The following NPL variants were observed in gnomAD, a reference collection of about 807,000 sequenced individuals.
The protein encoded by NPL is N-acetylneuraminate pyruvate lyase.
NPL carries 32 observed loss-of-function variants against 41.1 expected under a neutral mutation model. That is an observed-to-expected ratio of 0.78 (90% CI 0.59 to 1.05). The LOEUF (loss-of-function observed/expected upper bound fraction) is 1.05. Among genes scored for constraint, NPL ranks in the 50% least tolerant of loss-of-function variants. The probability of loss-of-function intolerance (pLI) is 0.00; values close to 1 mark genes in which losing one functional copy is unlikely to be tolerated. For missense variants in NPL, 321 were observed against 378.4 expected, an observed-to-expected ratio of 0.85 and a Z score of 1.26; for synonymous variants, 128 against 134.9, an observed-to-expected ratio of 0.95 and a Z score of 0.35.
At chr1:182,790,540 T>C (rs1666473308) in intron 1 of NPL, among the ~76,000 whole-genome samples, 1 of 152,262 alleles carries the variant, frequency 6.6e-6, no homozygotes, top group Non-Finnish European at 1.5e-5. Context: ...TCTGTTATGC[T>C]TCAAAGCATA....
chr1:182,823,067 A>G (rs1667533752), intron 11 of NPL, among the ~76,000 whole-genome samples: 1 of 152,214 alleles, frequency 6.6e-6, no homozygotes. Flanking sequence ...TCTAAAGTGT[A>G]AATGGAATGA....
intron 7 of NPL, among the ~76,000 whole-genome samples, chr1:182,816,059 A>G (rs1197761780): frequency 1.3e-5 from 2 of 152,236 alleles, no homozygotes; most frequent in Non-Finnish European, 2.9e-5. Flanking sequence ...AAATTCTCCT[A>G]TTACCCAGTG....
chr1:182,794,770 G>C (rs1047346531), intron 3 of NPL, among the ~76,000 whole-genome samples: 1 of 152,218 alleles, frequency 6.6e-6, no homozygotes, highest in Non-Finnish European at 1.5e-5. Flanking sequence ...AACAGGGCCA[G>C]TAGCATTGGA....
At position 182,830,312 on chromosome 1, in the gene NPL, A is replaced by G. The variant is rs1445639795; in HGVS notation, c.*1404A>G. 2.6e-5 allele frequency: 4 copies of G among 152,234 alleles called. No individual in the cohort carries two copies. Among genetic ancestry groups the G allele is most frequent in the Non-Finnish European group, 4.4e-5 (3 of 68,034 alleles). 9.4% of individuals were successfully genotyped at this position (152,234 alleles called of 1,614,324 possible). ...TTCTGAGGATGTGATATCCGTACTT[A>G]CTGATACTAAAGCCAAATTTAAATT... On this transcript the variant is annotated 3_prime_UTR_variant, in exon 13 of 13. Coordinates refer to ENST00000367553, the MANE Select transcript of NPL (RefSeq NM_030769.3).
chr1:182,805,756 C>T (rs1666989404), intron 4 of NPL, among the ~76,000 whole-genome samples: 1 of 152,172 alleles, frequency 6.6e-6, no homozygotes, highest in South Asian at 2.1e-4. Flanking sequence ...TATACAAAAG[C>T]ACCCGCATGA....
Position 182,794,419 on chromosome 1 carries a change from C to T in NPL, c.48C>T (p.Ile16=), listed in dbSNP as rs373001402. Reference sequence around the variant, plus strand: ...TTCAGGGTCTTGTGGCTGCAACCATCACGCCAATGACTGAGAATGGGTAAC... The same window carrying T: ...TTCAGGGTCTTGTGGCTGCAACCATTACGCCAATGACTGAGAATGGGTAAC... The part of the protein sequence containing the change: ...KKLQGLVAAT[I]TPMTENGEIN... Residue 16 remains isoleucine, a synonymous_variant, in exon 3 of 13, where the codon ATC becomes ATT. Transcript: ENST00000367553. 1.1e-4 allele frequency: 182 copies of T among 1,614,104 alleles called. No homozygotes were observed. The highest frequency in any genetic ancestry group is 3.3e-4 in the Middle Eastern group (2 of 6,084).
intron 11 of NPL, 91 bp downstream of exon 11, chr1:182,822,290 T>A: frequency 1.2e-6 from 1 of 859,906 alleles, no homozygotes; most frequent in East Asian, 2.5e-5. Flanking sequence ...CCTGCCCTCA[T>A]TAAAATTGCC....
At chr1:182,826,013 A>AC (rs1667622241) in intron 12 of NPL, 193 bp downstream of exon 12, 2 of 639,514 alleles carry the variant, frequency 3.1e-6, no homozygotes, top group African/African-American at 1.8e-5. Flanking sequence ...AATCTTTGGC[A>AC]ACCTTCTCCA....
At chr1:182,799,055 A>G (rs1234476968) in intron 3 of NPL, among the ~76,000 whole-genome samples, 3 of 152,218 alleles carry the variant, frequency 2.0e-5, no homozygotes, top group Non-Finnish European at 4.4e-5. Flanking sequence ...AGATGAAGTG[A>G]AAGTCTTTCA....
chr1:182,802,634 C>G (rs1222144598), intron 3 of NPL, among the ~76,000 whole-genome samples: 2 of 152,228 alleles, frequency 1.3e-5, no homozygotes, highest in African/African-American at 4.8e-5. Flanking sequence ...ACAGTGTAAC[C>G]ATTTAATGCA....
intron 7 of NPL, 37 bp from the exon 8 acceptor site, chr1:182,816,677 C>T (rs780069917): frequency 1.4e-6 from 2 of 1,432,926 alleles, no homozygotes; most frequent in Non-Finnish European, 2.0e-6. Context: ...CTGTTTTACA[C>T]CTGTTCACAC....
At position 182,824,519 on chromosome 1, in the gene NPL, C is replaced by T. The variant is rs150158980; in HGVS notation, c.739-1262C>T. Among the ~76,000 whole-genome samples the T allele has an allele frequency of 1.8e-3, 275 of 152,054 alleles. 2 individuals carry two copies. Among genetic ancestry groups the T allele is most frequent in the East Asian group, 8.5e-3 (44 of 5,156 alleles). On this transcript the variant is annotated intron_variant, in intron 11 of 12. Transcript: ENST00000367553. ...AATAAGATGCATGAGGTTCTAAGGC[C>T]GGGCACGGTGGCTCACGCCTGTAAT... is the stretch of plus-strand genomic sequence containing the variant.
chr1:182,816,470 A>G (rs1667333924), intron 7 of NPL, among the ~76,000 whole-genome samples: 1 of 152,138 alleles, frequency 6.6e-6, no homozygotes, highest in Non-Finnish European at 1.5e-5. Context: ...CAATTTTTTA[A>G]TAGAGTTTAG....
chr1:182,806,206 G>A lies in NPL; in HGVS notation c.204G>A (p.Glu68=), dbSNP rs750196614. 4 of 1,614,130 alleles carry A rather than the reference G, an allele frequency of 2.5e-6. No homozygotes were observed. In the East Asian group the frequency reaches 6.7e-5, roughly 27 times the overall value. The change falls in exon 5 of 13, where the codon GAG becomes GAA. Residue 68 remains glutamate (E), a synonymous_variant. Coordinates refer to ENST00000367553, the MANE Select transcript of NPL (RefSeq NM_030769.3). ...LSVSERRQVA[E]EWVTKGKDKL... ...TCTCAGAGCGTCGCCAGGTTGCAGA[G>A]GAGTGGGTGACAAAAGGGAAGGACA...
intron 10 of NPL, among the ~76,000 whole-genome samples, chr1:182,820,819 C>A (rs942373026): frequency 6.6e-6 from 1 of 152,208 alleles, no homozygotes; most frequent in African/African-American, 2.4e-5. Context: ...GCCCCACCTC[C>A]AGCACTGGGG....
intron 4 of NPL, among the ~76,000 whole-genome samples, chr1:182,805,410 G>A (rs916399010): frequency 4.6e-5 from 7 of 152,236 alleles, no homozygotes; most frequent in South Asian, 2.1e-4. Context: ...CAGCCTGGGC[G>A]ACAAGAGCAA....
At chr1:182,820,599 C>T (rs1450083869) in intron 10 of NPL, among the ~76,000 whole-genome samples, 1 of 152,150 alleles carries the variant, frequency 6.6e-6, no homozygotes. Flanking sequence ...AGCATGGCAG[C>T]GTGTGCTTGG....
At chr1:182,820,763 G>A in intron 10 of NPL, among the ~76,000 whole-genome samples, 1 of 152,136 alleles carries the variant, frequency 6.6e-6, no homozygotes, top group East Asian at 1.9e-4. Context: ...AGGAGGATGT[G>A]TTAAACCATG....
rs1440964096 is a variant in NPL, at chr1:182,828,366, T to C, written c.779-358T>C. ...TCCTACCTCCTTTGATCAACAATAG[T>C]ATATTCCTAAATCAGATTATCCTCA... On this transcript the variant is annotated intron_variant, in intron 12 of 12. Transcript: ENST00000367553. This position sits in a 1 kb window ranked among gnomAD's most constrained non-coding sequence, Gnocchi z 4.0. Among the ~76,000 whole-genome samples, 2 of 152,190 alleles carry C rather than the reference T, an allele frequency of 1.3e-5. No homozygotes were observed. Among genetic ancestry groups the C allele is most frequent in the Non-Finnish European group, 2.9e-5 (2 of 68,034 alleles).
Sources: allele counts gnomAD v4.1 joint callset (sites outside exome capture counted in the v4.1 genomes callset), GRCh38; gene constraint gnomAD v4.1.1; non-coding constraint Gnocchi (gnomAD v3.1); transcripts MANE v1.5; gene names NCBI Gene and HGNC (gene_info 2026-07-23, HGNC 2026-07-21).